DPYD: variants seen among roughly 807,000 people sequenced by gnomAD.
The protein encoded by DPYD is dihydropyrimidine dehydrogenase [NADP(+)].
In DPYD, 109 loss-of-function variants were observed where a neutral mutation model predicts 116.2. That is an observed-to-expected ratio of 0.94 (90% CI 0.80 to 1.10). The LOEUF is 1.10. Among genes scored for constraint, DPYD ranks in the 50% least tolerant of loss-of-function variants. The pLI is 0.00. For synonymous variants in DPYD, 440 were observed against 432.0 expected (o/e 1.02, Z -0.23); for missense variants, 1,302 against 1,254.5 (o/e 1.04, Z -0.57).
chr1:97,837,963 T>C (rs1221002307), intron 2 of DPYD, among the ~76,000 whole-genome samples: 2 of 152,188 alleles, frequency 1.3e-5, no homozygotes, highest in African/African-American at 4.8e-5. Flanking sequence ...CATCTGATAC[T>C]ATCCAATTTT....
intron 14 of DPYD, among the ~76,000 whole-genome samples, chr1:97,387,850 T>C (rs1280814685): frequency 6.6e-6 from 1 of 152,050 alleles, no homozygotes; most frequent in East Asian, 1.9e-4. Flanking sequence ...AAGCAGGCAA[T>C]AGCCAGATCT....
At chr1:97,311,544 T>C (rs1022632238) in intron 16 of DPYD, among the ~76,000 whole-genome samples, 3 of 151,742 alleles carry the variant, frequency 2.0e-5, no homozygotes, top group Non-Finnish European at 4.4e-5. Flanking sequence ...CTGGGGAGAA[T>C]GTAAATCAGT....
chr1:97,143,758 A>G (rs1353393468), intron 20 of DPYD, among the ~76,000 whole-genome samples: 1 of 152,186 alleles, frequency 6.6e-6, no homozygotes, highest in African/African-American at 2.4e-5. Flanking sequence ...AGTCAACTTT[A>G]AACAAAAAAG....
At chr1:97,259,574 A>G (rs1663738546) in intron 18 of DPYD, among the ~76,000 whole-genome samples, 1 of 152,050 alleles carries the variant, frequency 6.6e-6, no homozygotes, top group Admixed American at 6.6e-5. Flanking sequence ...TTGGGCAGTG[A>G]CTTAGGATTA....
At chr1:97,621,390 C>CA (rs1557842511) in intron 8 of DPYD, among the ~76,000 whole-genome samples, 2 of 151,892 alleles carry the variant, frequency 1.3e-5, no homozygotes, top group Non-Finnish European at 2.9e-5. Flanking sequence ...CAATGGTCTA[C>CA]GTGGTGATGA....
At chr1:97,286,586 T>C (rs1242506243) in intron 18 of DPYD, among the ~76,000 whole-genome samples, 2 of 152,186 alleles carry the variant, frequency 1.3e-5, no homozygotes, top group African/African-American at 4.8e-5. Context: ...TCGTTTCACA[T>C]AGTCCCATAT....
intron 20 of DPYD, among the ~76,000 whole-genome samples, chr1:97,171,627 A>C (rs1459185155): frequency 1.3e-5 from 2 of 152,224 alleles, no homozygotes; most frequent in Non-Finnish European, 2.9e-5. Context: ...AGGATAGAGA[A>C]TAATAATTCA....
intron 13 of DPYD, among the ~76,000 whole-genome samples, chr1:97,455,219 C>T (rs1368887048): frequency 6.6e-6 from 1 of 151,944 alleles, no homozygotes; most frequent in East Asian, 1.9e-4. Context: ...TACTCTTGAA[C>T]TGCAGAAATG....
chr1:97,254,761 G>A (rs942317434), intron 18 of DPYD, among the ~76,000 whole-genome samples: 21 of 152,170 alleles, frequency 1.4e-4, no homozygotes, highest in Middle Eastern at 3.4e-3. Flanking sequence ...TAAAATAAAC[G>A]TTTATTTCAA....
intron 7 of DPYD, 123 bp downstream of exon 7, chr1:97,691,594 T>C (rs1352996332): frequency 2.4e-6 from 2 of 839,368 alleles, no homozygotes; most frequent in African/African-American, 1.7e-5. Flanking sequence ...ATCTTTCTGC[T>C]TCTGCCTGAT....
intron 11 of DPYD, among the ~76,000 whole-genome samples, chr1:97,563,330 G>A (rs763137450): frequency 6.6e-6 from 1 of 152,230 alleles, no homozygotes; most frequent in East Asian, 1.9e-4. Flanking sequence ...ATAGGCTGTG[G>A]TCAATAAAGC....
chr1:97,387,817 A>G (rs1225951081), intron 14 of DPYD, among the ~76,000 whole-genome samples: 2 of 152,096 alleles, frequency 1.3e-5, no homozygotes, highest in Non-Finnish European at 2.9e-5. Context: ...AGAGGACAGG[A>G]ATAGTATGAA....
intron 3 of DPYD, among the ~76,000 whole-genome samples, chr1:97,757,083 T>C (rs1472477150): frequency 6.6e-6 from 1 of 152,216 alleles, no homozygotes; most frequent in Non-Finnish European, 1.5e-5. Context: ...AATATCCTGA[T>C]AGGTCTCAAG....
chr1:97,347,764 T>C (rs528525037), intron 16 of DPYD, among the ~76,000 whole-genome samples: 1 of 152,284 alleles, frequency 6.6e-6, no homozygotes, highest in Admixed American at 6.5e-5. Context: ...AATAGCTAAA[T>C]TGAGCTACTT....
intron 20 of DPYD, among the ~76,000 whole-genome samples, chr1:97,154,294 A>G (rs1215332953): frequency 1.3e-5 from 2 of 152,188 alleles, no homozygotes; most frequent in Non-Finnish European, 2.9e-5. Flanking sequence ...GTAAATATAC[A>G]TCATGGAATA....
At chr1:97,743,285 G>A (rs1476705585) in intron 3 of DPYD, among the ~76,000 whole-genome samples, 1 of 151,966 alleles carries the variant, frequency 6.6e-6, no homozygotes, top group African/African-American at 2.4e-5. Flanking sequence ...TGCCAGAATG[G>A]GCAGACTCTG....
chr1:97,144,751 A>G (rs2101703278), intron 20 of DPYD, among the ~76,000 whole-genome samples: 1 of 152,346 alleles, frequency 6.6e-6, no homozygotes, highest in Admixed American at 6.5e-5. Flanking sequence ...TTGGTTGATC[A>G]GAAAAGCAGT....
chr1:97,540,533 CA>C (rs1452297791), intron 12 of DPYD, among the ~76,000 whole-genome samples: 2 of 152,136 alleles, frequency 1.3e-5, no homozygotes, highest in Non-Finnish European at 2.9e-5. Flanking sequence ...TGGGGTGTGC[CA>C]CCTTCTTGGC....
At chr1:97,472,557 CA>C (rs1366793285) in intron 13 of DPYD, among the ~76,000 whole-genome samples, 1 of 152,200 alleles carries the variant, frequency 6.6e-6, no homozygotes, top group African/African-American at 2.4e-5. Flanking sequence ...AACTTATATA[CA>C]TATTAGCCAG....
Sources: gnomAD v4.1 joint callset for allele counts (sites outside exome capture counted in the v4.1 genomes callset) on GRCh38, gnomAD v4.1.1 for gene constraint, MANE v1.5 for transcripts, NCBI Gene and HGNC (gene_info 2026-07-23, HGNC 2026-07-21) for gene names.